POT1: variants seen among roughly 807,000 people sequenced by gnomAD.
POT1 encodes protection of telomeres protein 1.
Under a neutral mutation model 78.5 loss-of-function variants are expected in POT1, and 47 were observed. The observed-to-expected ratio is 0.60, with a 90% CI of 0.47 to 0.76. The LOEUF is 0.76. Ranked by LOEUF, POT1 falls within the 30% of genes least tolerant of loss-of-function variation. The probability of loss-of-function intolerance (pLI) is 0.00; values close to 1 mark genes in which losing one functional copy is unlikely to be tolerated. For synonymous variants in POT1, 259 were observed against 260.7 expected, an observed-to-expected ratio of 0.99 and a Z score of 0.06; for missense variants, 646 against 749.9, an observed-to-expected ratio of 0.86 and a Z score of 1.62.
chr7:124,862,728 G>C (rs1795627151), intron 8 of POT1, among the ~76,000 whole-genome samples: 1 of 152,120 alleles, frequency 6.6e-6, no homozygotes, highest in African/African-American at 2.4e-5. Context: ...GCCTGAAGAG[G>C]CATTTGTTCA....
At position 124,858,949 on chromosome 7, in the gene POT1, T is replaced by A. The variant is rs6959712; in HGVS notation, c.702+8A>T. 0.6 allele frequency: 945,498 copies of A among 1,573,796 alleles called. 285,541 individuals carry two copies. Among genetic ancestry groups the A allele is most frequent in the African/African-American group, 0.65 (47,759 of 73,490 alleles). Reference sequence around the variant, plus strand: ...CATAAAATAACATTTTTTCCTACTATACATCACCTTCAGAGATCTTGCCAC... The same window carrying A: ...CATAAAATAACATTTTTTCCTACTAAACATCACCTTCAGAGATCTTGCCAC... On this transcript the variant is annotated splice_region_variant and intron_variant, in intron 9 of 18. Transcript: ENST00000357628.
intron 7 of POT1, among the ~76,000 whole-genome samples, chr7:124,865,848 T>C (rs1795709672): frequency 6.6e-6 from 1 of 152,132 alleles, no homozygotes; most frequent in Non-Finnish European, 1.5e-5. Context: ...AAAGTCTATA[T>C]AATCTGTGCT....
intron 6 of POT1, among the ~76,000 whole-genome samples, chr7:124,881,050 C>T (rs191422081): frequency 4.6e-5 from 7 of 151,982 alleles, no homozygotes; most frequent in Non-Finnish European, 8.8e-5. Flanking sequence ...AAATAAAATA[C>T]TCTTTCAATA....
intron 8 of POT1, among the ~76,000 whole-genome samples, chr7:124,861,263 C>A (rs6466952): frequency 0.6 from 91,176 of 151,960 alleles, 27,480 homozygotes; most frequent in African/African-American, 0.64. Flanking sequence ...TCCTCTCCAG[C>A]ATGTTGTTTC....
chr7:124,868,850 CCTCT>C (rs1039924017), intron 7 of POT1, among the ~76,000 whole-genome samples: 163 of 150,820 alleles, frequency 1.1e-3, no homozygotes, highest in African/African-American at 3.8e-3. Flanking sequence ...ATATTGATTT[CCTCT>C]CTGACTTATG....
intron 6 of POT1, 72 bp from the exon 7 acceptor site, chr7:124,871,113 C>T: frequency 7.9e-7 from 1 of 1,262,854 alleles, no homozygotes; most frequent in Non-Finnish European, 1.1e-6. Flanking sequence ...AATATGCTTA[C>T]TTCAAAACAC....
intron 2 of POT1, among the ~76,000 whole-genome samples, chr7:124,921,834 T>A (rs549393195): frequency 1.3e-5 from 2 of 151,806 alleles, no homozygotes; most frequent in Non-Finnish European, 2.9e-5. Context: ...GTAATTGGCA[T>A]CCCAAAAAAG....
chr7:124,853,354 G>GT, intron 9 of POT1: 1 of 460,112 alleles, frequency 2.2e-6, no homozygotes, highest in South Asian at 3.4e-5. Context: ...ATGCATATGC[G>GT]TGTGTGCACA....
chr7:124,929,112 G>A (rs1797345880), intron 1 of POT1, 113 bp from the exon 2 acceptor site: 1 of 152,138 alleles, frequency 6.6e-6, no homozygotes, highest in Non-Finnish European at 1.5e-5. Flanking sequence ...GGGGTTGGGG[G>A]GTGACAGGAG....
At chr7:124,843,428 T>C (rs975639833) in intron 12 of POT1, among the ~76,000 whole-genome samples, 2 of 151,942 alleles carry the variant, frequency 1.3e-5, no homozygotes, top group Non-Finnish European at 2.9e-5. Flanking sequence ...AGATTAAGAA[T>C]AGGAAGGGAC....
intron 6 of POT1, among the ~76,000 whole-genome samples, chr7:124,875,447 G>A (rs574888514): frequency 5.3e-5 from 8 of 152,276 alleles, no homozygotes; most frequent in African/African-American, 1.9e-4. Flanking sequence ...CATAAAAGAA[G>A]TCTGGAGACA....
intron 11 of POT1, among the ~76,000 whole-genome samples, chr7:124,847,759 G>A (rs548202272): frequency 4.9e-4 from 74 of 152,272 alleles, no homozygotes; most frequent in Middle Eastern, 3.4e-3. Flanking sequence ...CATTTACATT[G>A]TATTTTGATT....
At chr7:124,889,980 T>A (rs982493387) in intron 6 of POT1, among the ~76,000 whole-genome samples, 1 of 151,824 alleles carries the variant, frequency 6.6e-6, no homozygotes, top group Non-Finnish European at 1.5e-5. Context: ...TGTCATTATT[T>A]AAAAAAAATA....
At position 124,842,814 on chromosome 7, in the gene POT1, G is replaced by T. The variant is rs1168740597; in HGVS notation, c.1156C>A (p.His386Asn). Residue 386 changes from histidine to asparagine, a missense_variant, in exon 13 of 19, where the codon CAT becomes AAT. Around this residue, in one of 2 missense-constraint regions of POT1, gnomAD observed 394 missense variants for 408.4 expected, o/e 0.96. Transcript: ENST00000357628. ...ATTATGGAAAATACTCACAGCAAATGACATTTAGGGCAATGAAGTTTAACA... is the reference window on the plus strand; with the variant it reads ...ATTATGGAAAATACTCACAGCAAATTACATTTAGGGCAATGAAGTTTAACA... The part of the protein sequence containing the change: ...QSVKLHCPKC[H>N]LLQEVPHEGD... The T allele has an allele frequency of 3.1e-6, 5 of 1,596,148 alleles. No individual in the cohort carries two copies. The African/African-American group carries it at 5.4e-5, about 17-fold the overall frequency.
At chr7:124,840,433 G>GA (rs576526207) in intron 14 of POT1, among the ~76,000 whole-genome samples, 36 of 151,164 alleles carry the variant, frequency 2.4e-4, no homozygotes, top group African/African-American at 5.8e-4. Flanking sequence ...AATTTGCCAT[G>GA]AAAAAAAATT....
intron 6 of POT1, among the ~76,000 whole-genome samples, chr7:124,874,382 G>C (rs1277139656): frequency 6.6e-6 from 1 of 151,964 alleles, no homozygotes; most frequent in East Asian, 1.9e-4. Context: ...AAAGGAGAAA[G>C]GTATATAAAA....
At chr7:124,890,243 T>C (rs1036900930) in intron 6 of POT1, among the ~76,000 whole-genome samples, 1 of 151,876 alleles carries the variant, frequency 6.6e-6, no homozygotes, top group African/African-American at 2.4e-5. Flanking sequence ...AAACTAGAAT[T>C]ATAAATGGAG....
chr7:124,845,033 G>C (rs1053318105), intron 12 of POT1, among the ~76,000 whole-genome samples: 2 of 152,036 alleles, frequency 1.3e-5, no homozygotes, highest in South Asian at 4.2e-4. Flanking sequence ...ATAACTACCA[G>C]ACATTATGCC....
chr7:124,836,414 C>A (rs1462820560), intron 14 of POT1, among the ~76,000 whole-genome samples: 1 of 152,128 alleles, frequency 6.6e-6, no homozygotes, highest in East Asian at 1.9e-4. Flanking sequence ...ATTATGCATG[C>A]TTAAAAACTC....
Sources: gnomAD v4.1 joint callset for allele counts (sites outside exome capture counted in the v4.1 genomes callset) on GRCh38, gnomAD v4.1.1 for gene constraint, gnomAD v4.1.1 regional missense constraint, MANE v1.5 for transcripts, NCBI Gene and HGNC (gene_info 2026-07-23, HGNC 2026-07-21) for gene names.